The following HMOX1 variants were observed in gnomAD, a reference collection of about 807,000 sequenced individuals.
The protein encoded by HMOX1 is heat shock protein, 32-kD.
Under a neutral mutation model 27.8 loss-of-function variants are expected in HMOX1, and 22 were observed. The ratio of observed to expected loss-of-function variants is 0.79; its 90% CI spans 0.57 to 1.13. The LOEUF (loss-of-function observed/expected upper bound fraction) is 1.13, where lower values mean the gene tolerates loss of function less well. HMOX1 is among the 50% of genes most tolerant of loss of function. HMOX1 has a pLI of 0.00. For missense variants in HMOX1, 379 were observed against 377.7 expected (o/e 1.00, Z -0.03); for synonymous variants, 153 against 151.6 (o/e 1.01, Z -0.07).
chr22:35,388,615 A>G (rs952586462), intron 3 of HMOX1, among the ~76,000 whole-genome samples: 1 of 151,880 alleles, frequency 6.6e-6, no homozygotes, highest in Admixed American at 6.6e-5. Context: ...GTGAAACCCC[A>G]TCTCTACTAA....
rs1315462449 is a variant in HMOX1, at chr22:35,389,426, T to A, written c.637-438T>A. ...TTTCTTTCTTTCTTTCTTTCTTTCT[T>A]TCTATCTTTCTTTCTTTCTTTCTTT... On this transcript the variant is annotated intron_variant, in intron 3 of 4. Transcript: ENST00000216117. Among the ~76,000 whole-genome samples, 29 of 78,148 alleles carry A rather than the reference T, an allele frequency of 3.7e-4. 2 individuals carry two copies. The highest frequency in any genetic ancestry group is 4.6e-4 in the African/African-American group (7 of 15,100). 51.3% of individuals were successfully genotyped at this position (78,148 alleles called of 152,430 possible).
At position 35,393,467 on chromosome 22, in the gene HMOX1, GA is replaced by G. The variant is rs1425263031; in HGVS notation, c.737del (p.Asp246ValfsTer38). 1 of 1,614,010 alleles carries G rather than the reference GA, an allele frequency of 6.2e-7. No individual in the cohort carries two copies. Among genetic ancestry groups the G allele is most frequent in the African/African-American group, 1.3e-5 (1 of 74,922 alleles). On this transcript the variant is annotated frameshift_variant and splice_region_variant, in exon 5 of 5. Coordinates refer to ENST00000216117, the MANE Select transcript of HMOX1 (RefSeq NM_002133.3). LOFTEE classifies it low-confidence loss of function (END_TRUNC). ...LRQRASNKVQ[D>X]SAPVETPRGK... The stretch of plus-strand genomic sequence containing the variant: ...TGACCTTGCCCCATTTTCTCTTTCA[GA>G]TTCTGCCCCCGTGGAGACTCCCAGA...
rs1198846678 is a variant in HMOX1 at position 35,393,624 on chromosome 22, C to T, written c.*26C>T. 2.5e-6 allele frequency: 4 copies of T among 1,613,770 alleles called. No homozygotes were observed. In the Admixed American group the frequency reaches 5.0e-5, roughly 20 times the overall value. ...ATGCAGGCATGCTGGCTCCCAGGGC[C>T]ATGAACTTTGTCCGGTGGAAGGCCT... On this transcript the variant is annotated 3_prime_UTR_variant, in exon 5 of 5. Transcript: ENST00000216117.
At chr22:35,383,759 T>C (rs1196388197) in intron 2 of HMOX1, among the ~76,000 whole-genome samples, 1 of 152,222 alleles carries the variant, frequency 6.6e-6, no homozygotes, top group Non-Finnish European at 1.5e-5. Context: ...GGGTGCCTCA[T>C]CTAATCTCCC....
rs1257297969 is a variant in HMOX1, at chr22:35,381,160, C to G, written c.-14C>G. On this transcript the variant is annotated 5_prime_UTR_variant, in exon 1 of 5. Transcript: ENST00000216117. ...GCCCGCGGAGCCAGCACGAACGAGCCCAGCACCGGCCGGATGGAGCGTCCG... is the reference window on the plus strand; with the variant it reads ...GCCCGCGGAGCCAGCACGAACGAGCGCAGCACCGGCCGGATGGAGCGTCCG... 6.5e-7 allele frequency: 1 copy of G among 1,542,278 alleles called. No homozygotes were observed.
intron 2 of HMOX1, among the ~76,000 whole-genome samples, chr22:35,385,433 A>ATTTTTTTTTTTTTTTTT: frequency 8.0e-6 from 1 of 124,714 alleles, no homozygotes; most frequent in Non-Finnish European, 1.7e-5. Flanking sequence ...CCTTTGTTGG[A>ATTTTTTTTTTTTTTTTT]TTTTTTTTTT....
In HMOX1 at chr22:35,392,561, G is replaced by A. The variant is rs1601745297; in HGVS notation, c.737-907G>A. On this transcript the variant is annotated intron_variant, in intron 4 of 4. Transcript: ENST00000216117. Reference sequence around the variant, plus strand: ...AAGCCCTTCTCATAGCCCAGGGCGGGGCTAGGATTGAAACCCAGCTGGTCT... The same window carrying A: ...AAGCCCTTCTCATAGCCCAGGGCGGAGCTAGGATTGAAACCCAGCTGGTCT... 2.0e-5 allele frequency among the ~76,000 whole-genome samples: 3 copies of A among 152,216 alleles called. No individual in the cohort carries two copies. The East Asian group carries it at 5.8e-4, about 29-fold the overall frequency.
intron 3 of HMOX1, among the ~76,000 whole-genome samples, chr22:35,387,595 A>AG (rs1931541738): frequency 6.6e-6 from 1 of 152,160 alleles, no homozygotes; most frequent in Non-Finnish European, 1.5e-5. Context: ...CCAGGGTTAC[A>AG]GGTGGCCTCT....
At chr22:35,382,993 C>G in intron 1 of HMOX1, 113 bp from the exon 2 acceptor site, 1 of 1,442,304 alleles carries the variant, frequency 6.9e-7, no homozygotes, top group Non-Finnish European at 9.6e-7. Context: ...AGAACGTGGC[C>G]TGAATGAGGA....
chr22:35,393,094 A>G (rs944018822), intron 4 of HMOX1, among the ~76,000 whole-genome samples: 1 of 152,186 alleles, frequency 6.6e-6, no homozygotes, highest in Non-Finnish European at 1.5e-5. Flanking sequence ...CTCCTGCCCC[A>G]TCATCACCAT....
Position 35,387,721 on chromosome 22 carries a change from G to A in HMOX1, c.636+545G>A, listed in dbSNP as rs143921477. Among the ~76,000 whole-genome samples, 157 of 152,352 alleles carry A rather than the reference G, an allele frequency of 1.0e-3. 5 individuals are homozygous for A. The East Asian group carries it at 0.028, about 27-fold the overall frequency. On this transcript the variant is annotated intron_variant, in intron 3 of 4. Transcript: ENST00000216117. ...CTGGAAGGATGAATTCTTGGGCAGA[G>A]GTGGAGGGGTGAGGGGCTCCTTCTA...
At chr22:35,386,640 G>T (rs370528153) in intron 2 of HMOX1, 45 bp from the exon 3 acceptor site, 105 of 1,613,308 alleles carry the variant, frequency 6.5e-5, no homozygotes, top group African/African-American at 2.8e-4. Context: ...AGAGGTGGGG[G>T]TCTTCTATGT....
chr22:35,391,246 G>A (rs925494085), intron 4 of HMOX1, among the ~76,000 whole-genome samples: 1 of 141,878 alleles, frequency 7.0e-6, no homozygotes, highest in Admixed American at 6.9e-5. Context: ...CCTCAACGGG[G>A]TCTGTGAGGA....
At position 35,381,194 on chromosome 22, in the gene HMOX1, C is replaced by A. The variant is rs1483623337; in HGVS notation, c.21C>A (p.Asp7Glu). Residue 7 changes from aspartate to glutamate, a missense_variant and splice_region_variant, in exon 1 of 5, where the codon GAC becomes GAA. Physicochemically the swap from Asp to Glu is conservative, Grantham distance 45 (BLOSUM62 2). Coordinates refer to ENST00000216117, the MANE Select transcript of HMOX1 (RefSeq NM_002133.3). ...GCCGGATGGAGCGTCCGCAACCCGA[C>A]AGGCAAGCGCGGGGCGCGGGACGCG... MERPQPDSMPQDLSEAL... is the reference protein window; with the variant it reads MERPQPESMPQDLSEAL... 2 of 1,547,516 alleles carry A rather than the reference C, an allele frequency of 1.3e-6. No individual in the cohort carries two copies. The highest frequency in any genetic ancestry group is 1.2e-5 in the South Asian group (1 of 84,856).
intron 3 of HMOX1, among the ~76,000 whole-genome samples, chr22:35,388,666 G>A (rs1482237427): frequency 1.3e-5 from 2 of 152,048 alleles, no homozygotes; most frequent in African/African-American, 2.4e-5. Flanking sequence ...GCATGGTGGT[G>A]GGCACCTGTA....
In HMOX1 at chr22:35,394,099, G is replaced by C; in HGVS notation, c.*501G>C. 4.4e-6 allele frequency: 1 copy of C among 226,040 alleles called. No homozygotes were observed. The highest frequency in any genetic ancestry group is 5.2e-5 in the Admixed American group (1 of 19,254). The allele number at this position is 226,040 out of a possible 1,614,324, so 14.0% of individuals were successfully genotyped here. A position where few individuals can be genotyped will look rare whatever the true frequency, so the allele number is the denominator to read the frequency against. ...TTGTGTTCTGTTGTTTTTATAGCAG[G>C]GTTGGGGTGGTTTTTGAGCCATGCG... On this transcript the variant is annotated 3_prime_UTR_variant, in exon 5 of 5. Coordinates refer to ENST00000216117, the MANE Select transcript of HMOX1 (RefSeq NM_002133.3).
chr22:35,384,117 T>C (rs1931450977), intron 2 of HMOX1, among the ~76,000 whole-genome samples: 1 of 152,086 alleles, frequency 6.6e-6, no homozygotes, highest in Non-Finnish European at 1.5e-5. Flanking sequence ...AGTCTCACTC[T>C]GTTGTCCGGG....
At chr22:35,390,611 T>C (rs1017384259) in intron 4 of HMOX1, among the ~76,000 whole-genome samples, 2 of 152,178 alleles carry the variant, frequency 1.3e-5, no homozygotes, top group Admixed American at 6.5e-5. Context: ...GGGCAAGCCA[T>C]GAGACTTCTC....
intron 4 of HMOX1, among the ~76,000 whole-genome samples, chr22:35,391,872 T>C (rs1425174946): frequency 6.6e-6 from 1 of 151,894 alleles, no homozygotes; most frequent in Non-Finnish European, 1.5e-5. Context: ...CATGTGATGC[T>C]CTCTCATGGA....
Sources: allele counts gnomAD v4.1 joint callset (sites outside exome capture counted in the v4.1 genomes callset), GRCh38; gene constraint gnomAD v4.1.1; transcripts MANE v1.5; gene names NCBI Gene and HGNC (gene_info 2026-07-23, HGNC 2026-07-21).